ADAM10: variants seen among roughly 807,000 people sequenced by gnomAD.
The protein encoded by ADAM10 is ADAM metallopeptidase domain 10.
Under a neutral mutation model 90.1 loss-of-function variants are expected in ADAM10, and 17 were observed. The ratio of observed to expected loss-of-function variants is 0.19; its 90% CI spans 0.13 to 0.28. The LOEUF (loss-of-function observed/expected upper bound fraction) is 0.28. Ranked by LOEUF, ADAM10 falls within the 10% of genes least tolerant of loss-of-function variation. ADAM10 has a pLI of 1.00. For synonymous variants in ADAM10, 310 were observed against 298.6 expected (o/e 1.04, Z -0.40); for missense variants, 610 against 914.3 (o/e 0.67, Z 4.29).
intron 1 of ADAM10, among the ~76,000 whole-genome samples, chr15:58,720,262 C>A (rs1182517646): frequency 6.6e-6 from 1 of 152,146 alleles, no homozygotes; most frequent in Non-Finnish European, 1.5e-5. Context: ...TGAACACACT[C>A]CTCCCAAGAG....
intron 2 of ADAM10, 46 bp from the exon 3 acceptor site, chr15:58,682,360 C>G (rs777875560): frequency 6.3e-7 from 1 of 1,590,048 alleles, no homozygotes; most frequent in Non-Finnish European, 8.5e-7. Flanking sequence ...TTAAAAAGAT[C>G]CAAATTTTAA....
chr15:58,672,645 C>T (rs1007351216), intron 4 of ADAM10: 2 of 151,942 alleles, frequency 1.3e-5, no homozygotes, highest in African/African-American at 4.8e-5. Flanking sequence ...CAAACCTATC[C>T]ATTCGTGATG....
At chr15:58,599,477 A>C (rs1895051806) in intron 15 of ADAM10, 121 bp downstream of exon 15, 1 of 1,223,686 alleles carries the variant, frequency 8.2e-7, no homozygotes, top group African/African-American at 1.5e-5. Context: ...TTCATCCAAT[A>C]ATCCCATTCT....
chr15:58,747,199 A>G (rs1245434831), intron 1 of ADAM10: 1 of 152,212 alleles, frequency 6.6e-6, no homozygotes, highest in African/African-American at 2.4e-5. Context: ...TCCTACAACT[A>G]CAACATAGGA....
chr15:58,731,335 G>A (rs988019499), intron 1 of ADAM10, among the ~76,000 whole-genome samples: 6 of 152,204 alleles, frequency 3.9e-5, no homozygotes, highest in African/African-American at 1.4e-4. Flanking sequence ...GTATATGGGA[G>A]GGGCCAGGTG....
chr15:58,686,186 T>C (rs1244286882), intron 2 of ADAM10, among the ~76,000 whole-genome samples: 4 of 152,204 alleles, frequency 2.6e-5, no homozygotes, highest in Non-Finnish European at 4.4e-5. Context: ...AAAACAACTA[T>C]TAAGGAGCTG....
chr15:58,723,792 A>C (rs1267060405), intron 1 of ADAM10, among the ~76,000 whole-genome samples: 1 of 152,186 alleles, frequency 6.6e-6, no homozygotes, highest in Non-Finnish European at 1.5e-5. Context: ...ACAACCATGA[A>C]CATAACATTG....
At chr15:58,730,752 T>G (rs1163588418) in intron 1 of ADAM10, among the ~76,000 whole-genome samples, 2 of 152,134 alleles carry the variant, frequency 1.3e-5, no homozygotes, top group East Asian at 3.8e-4. Context: ...AGTGGTGGGC[T>G]GACTGGGGAA....
intron 13 of ADAM10, 190 bp from the exon 14 acceptor site, chr15:58,610,707 A>G (rs1299601470): frequency 1.5e-6 from 1 of 679,938 alleles, no homozygotes; most frequent in East Asian, 2.7e-5. Context: ...AATGTAAACA[A>G]GCAACCAGCA....
chr15:58,731,092 G>C (rs1434011608), intron 1 of ADAM10, among the ~76,000 whole-genome samples: 1 of 151,954 alleles, frequency 6.6e-6, no homozygotes, highest in Non-Finnish European at 1.5e-5. Context: ...TATCCTATTG[G>C]TTCTGTCTCT....
intron 2 of ADAM10, chr15:58,698,447 GAACCTGTA>G: frequency 3.2e-6 from 1 of 308,168 alleles, no homozygotes; most frequent in South Asian, 2.6e-5. Flanking sequence ...ATATTGGCGT[GAACCTGTA>G]GTCCCAACTA....
intron 2 of ADAM10, chr15:58,686,432 A>G (rs1897604758): frequency 9.6e-6 from 13 of 1,347,582 alleles, no homozygotes; most frequent in Non-Finnish European, 1.4e-5. Flanking sequence ...GGCTAGCGCG[A>G]GCGCCCTGCA....
Position 58,713,132 on chromosome 15 carries a change from C to A in ADAM10, c.206+4445G>T, listed in dbSNP as rs543378666. Among the ~76,000 whole-genome samples the A allele has an allele frequency of 2.0e-3, 302 of 152,290 alleles. 1 individual carries two copies. The highest frequency in any genetic ancestry group is 6.8e-3 in the African/African-American group (282 of 41,562). On this transcript the variant is annotated intron_variant, in intron 2 of 15. Coordinates refer to ENST00000260408, the MANE Select transcript of ADAM10 (RefSeq NM_001110.4). The stretch of plus-strand genomic sequence containing the variant: ...TTTTGTTTGTTGAGACAGGGTCTCA[C>A]TCTTGTCGCCCAAGCTGGAGCGCAG...
At chr15:58,699,251 G>C (rs934732271) in intron 2 of ADAM10, among the ~76,000 whole-genome samples, 1 of 152,110 alleles carries the variant, frequency 6.6e-6, no homozygotes, top group Admixed American at 6.6e-5. Context: ...AGCAAAAACA[G>C]GTAATTTGAC....
rs199518410 is a variant in ADAM10, at chr15:58,617,908, A to AC, written c.1511+3562_1511+3563insG. Among the ~76,000 whole-genome samples the AC allele has an allele frequency of 6.3e-3, 953 of 152,190 alleles. 5 individuals carry two copies. Among genetic ancestry groups the AC allele is most frequent in the African/African-American group, 0.021 (892 of 41,530 alleles). ...GAAACTGAACAAGTCAAAAAAAAAA[A>AC]AAAACACATTTCATGTTCATGGACT... On this transcript the variant is annotated intron_variant, in intron 11 of 15. Coordinates refer to ENST00000260408, the MANE Select transcript of ADAM10 (RefSeq NM_001110.4).
chr15:58,719,482 C>A (rs1344340604), intron 1 of ADAM10, among the ~76,000 whole-genome samples: 2 of 100,226 alleles, frequency 2.0e-5, no homozygotes, highest in Non-Finnish European at 5.0e-5. Context: ...AAATTGTCCT[C>A]TTTTATAAAA....
chr15:58,647,098 A>C (rs1896565339), intron 5 of ADAM10, among the ~76,000 whole-genome samples: 1 of 152,022 alleles, frequency 6.6e-6, no homozygotes, highest in Non-Finnish European at 1.5e-5. Flanking sequence ...GTGCAACCTT[A>C]CATTTATTTG....
chr15:58,636,860 T>C (rs1424017775), intron 8 of ADAM10, among the ~76,000 whole-genome samples: 2 of 152,188 alleles, frequency 1.3e-5, no homozygotes, highest in Non-Finnish European at 2.9e-5. Flanking sequence ...ATGTAAGCAA[T>C]AATTCTGGAC....
intron 5 of ADAM10, among the ~76,000 whole-genome samples, chr15:58,656,548 T>C (rs560204729): frequency 9.1e-4 from 138 of 152,336 alleles, no homozygotes; most frequent in Middle Eastern, 3.4e-3. Flanking sequence ...TATTTTAAAC[T>C]GATGACAACA....
Sources: allele counts gnomAD v4.1 joint callset (sites outside exome capture counted in the v4.1 genomes callset), GRCh38; gene constraint gnomAD v4.1.1; transcripts MANE v1.5; gene names NCBI Gene and HGNC (gene_info 2026-07-23, HGNC 2026-07-21).